The following TRIM24 variants were observed in gnomAD, a reference collection of about 807,000 sequenced individuals.
The protein encoded by TRIM24 is transcription intermediary factor 1-alpha.
Under a neutral mutation model 123.9 loss-of-function variants are expected in TRIM24, and 29 were observed. The observed-to-expected ratio is 0.23, with a 90% CI of 0.17 to 0.32. The LOEUF is 0.32. TRIM24 is among the 10% of genes least tolerant of loss of function. The pLI is 1.00. For missense variants in TRIM24, 932 were observed against 1,295.3 expected (o/e 0.72, Z 4.31); for synonymous variants, 456 against 461.1 (o/e 0.99, Z 0.14).
chr7:138,484,222 G>A (rs952895881), intron 1 of TRIM24, among the ~76,000 whole-genome samples: 3 of 151,276 alleles, frequency 2.0e-5, no homozygotes, highest in Non-Finnish European at 4.4e-5. Flanking sequence ...TTATTCTCCT[G>A]CCTCAACCTC....
At chr7:138,493,673 A>T (rs1296864213) in intron 1 of TRIM24, among the ~76,000 whole-genome samples, 1 of 152,164 alleles carries the variant, frequency 6.6e-6, no homozygotes, top group Non-Finnish European at 1.5e-5. Flanking sequence ...CTGCCATACC[A>T]ATTAAATCAC....
At chr7:138,540,521 G>A (rs1004293740) in intron 7 of TRIM24, among the ~76,000 whole-genome samples, 3 of 152,166 alleles carry the variant, frequency 2.0e-5, no homozygotes, top group Non-Finnish European at 4.4e-5. Context: ...ATCCATTCAA[G>A]TTTGATCATA....
intron 5 of TRIM24, among the ~76,000 whole-genome samples, chr7:138,527,946 T>A (rs1796644894): frequency 6.6e-6 from 1 of 152,188 alleles, no homozygotes; most frequent in Non-Finnish European, 1.5e-5. Context: ...TATACACACT[T>A]CTAAAAGGGG....
chr7:138,530,223 A>C (rs1796701098), intron 6 of TRIM24, among the ~76,000 whole-genome samples: 1 of 151,340 alleles, frequency 6.6e-6, no homozygotes, highest in Non-Finnish European at 1.5e-5. Flanking sequence ...AAGGTCTGTG[A>C]CTTTAAAAAA....
chr7:138,573,782 G>A, intron 12 of TRIM24, 140 bp downstream of exon 12: 1 of 995,894 alleles, frequency 1.0e-6, no homozygotes, highest in Non-Finnish European at 1.4e-6. Flanking sequence ...TGCTTTCAGA[G>A]AAAACAAAGG....
rs919816306 is a variant in TRIM24 at position 138,585,059 on chromosome 7, ATC to A, written c.*112_*113del. 2.1e-6 allele frequency: 2 copies of A among 966,820 alleles called. No individual in the cohort carries two copies. Among genetic ancestry groups the A allele is most frequent in the Non-Finnish European group, 3.0e-6 (2 of 668,084 alleles). 59.9% of individuals were successfully genotyped at this position (966,820 alleles called of 1,614,324 possible). A position where few individuals can be genotyped will look rare whatever the true frequency, so the allele number is the denominator to read the frequency against. On this transcript the variant is annotated 3_prime_UTR_variant, in exon 19 of 19. Coordinates refer to ENST00000343526, the MANE Select transcript of TRIM24 (RefSeq NM_015905.3). ...AAAAGAAGAGTTTGTGACTATTCTC[ATC>A]TCTGTTTTGGACGTTTACTAGACTT...
rs1289867578 is a variant in TRIM24 at position 138,571,093 on chromosome 7, G to A, written c.1878+90G>A. On this transcript the variant is annotated intron_variant, in intron 11 of 18. Coordinates refer to ENST00000343526, the MANE Select transcript of TRIM24 (RefSeq NM_015905.3). ...TCCTGTAATCCCAGCACTTTGGGAG[G>A]CTGAGGCAGACAGATTACTTGAGGT... 5.3e-6 allele frequency: 7 copies of A among 1,327,786 alleles called. No individual in the cohort carries two copies. In the South Asian group the frequency reaches 9.1e-5, roughly 17 times the overall value. The allele number at this position is 1,327,786 out of a possible 1,614,324, so 82.3% of individuals were successfully genotyped here.
chr7:138,476,941 C>T (rs1245590868), intron 1 of TRIM24, among the ~76,000 whole-genome samples: 2 of 151,562 alleles, frequency 1.3e-5, no homozygotes, highest in Non-Finnish European at 1.5e-5. Context: ...ATTACTGTGC[C>T]GATGTAAAAA....
At chr7:138,471,485 A>C (rs898841095) in intron 1 of TRIM24, among the ~76,000 whole-genome samples, 3 of 151,982 alleles carry the variant, frequency 2.0e-5, no homozygotes, top group Middle Eastern at 6.8e-3. Flanking sequence ...TTTTTCTAAT[A>C]TAAATAATCT....
intron 17 of TRIM24, among the ~76,000 whole-genome samples, chr7:138,582,239 A>G (rs1477566718): frequency 6.6e-6 from 1 of 152,188 alleles, no homozygotes; most frequent in African/African-American, 2.4e-5. Flanking sequence ...AAAGGTTCAT[A>G]TTGAAAGTTT....
At chr7:138,489,853 A>C (rs1193329066) in intron 1 of TRIM24, among the ~76,000 whole-genome samples, 1 of 152,088 alleles carries the variant, frequency 6.6e-6, no homozygotes, top group Non-Finnish European at 1.5e-5. Flanking sequence ...CTCGAGGAGT[A>C]TCTTTGTGGT....
intron 4 of TRIM24, among the ~76,000 whole-genome samples, chr7:138,521,227 G>A (rs897730964): frequency 2.0e-5 from 3 of 152,134 alleles, no homozygotes; most frequent in African/African-American, 4.8e-5. Context: ...AAAGGAAAAT[G>A]GAGCAATAGG....
At chr7:138,566,996 T>C (rs1210191507) in intron 9 of TRIM24, among the ~76,000 whole-genome samples, 1 of 152,246 alleles carries the variant, frequency 6.6e-6, no homozygotes, top group Non-Finnish European at 1.5e-5. Flanking sequence ...ATCTGTGCTT[T>C]ATAATAATAT....
At chr7:138,502,340 A>C (rs1219239872) in intron 1 of TRIM24, among the ~76,000 whole-genome samples, 1 of 152,214 alleles carries the variant, frequency 6.6e-6, no homozygotes, top group African/African-American at 2.4e-5. Flanking sequence ...ATGGAAGTGG[A>C]ATATTGAGCA....
chr7:138,524,915 C>T (rs745468333), intron 4 of TRIM24, among the ~76,000 whole-genome samples: 1 of 152,004 alleles, frequency 6.6e-6, no homozygotes, highest in Non-Finnish European at 1.5e-5. Context: ...GTAGAAATTA[C>T]AAAATAGTTA....
At chr7:138,571,669 G>A (rs572351406) in intron 11 of TRIM24, among the ~76,000 whole-genome samples, 3 of 152,156 alleles carry the variant, frequency 2.0e-5, no homozygotes, top group Non-Finnish European at 2.9e-5. Flanking sequence ...TATACTACAT[G>A]TAAATTAACT....
intron 3 of TRIM24, among the ~76,000 whole-genome samples, chr7:138,515,636 T>G (rs191756562): frequency 1.3e-5 from 2 of 152,326 alleles, no homozygotes; most frequent in African/African-American, 4.8e-5. Flanking sequence ...AAATTGCTTT[T>G]TCTTATTTTT....
At chr7:138,567,756 G>A (rs1334361115) in intron 10 of TRIM24, 102 bp downstream of exon 10, 34 of 1,193,208 alleles carry the variant, frequency 2.8e-5, no homozygotes, top group Non-Finnish European at 3.8e-5. Context: ...AGAGCCAAGA[G>A]CAAGCCTTCT....
chr7:138,558,976 A>G (rs867129905), intron 9 of TRIM24, among the ~76,000 whole-genome samples: 66 of 152,344 alleles, frequency 4.3e-4, no homozygotes, highest in Middle Eastern at 3.4e-3. Flanking sequence ...TGTGGGGCCA[A>G]TGATAATGGA....
Sources: gnomAD v4.1 joint callset for allele counts (sites outside exome capture counted in the v4.1 genomes callset) on GRCh38, gnomAD v4.1.1 for gene constraint, MANE v1.5 for transcripts, NCBI Gene and HGNC (gene_info 2026-07-23, HGNC 2026-07-21) for gene names.